RAD51B: variants seen among roughly 807,000 people sequenced by gnomAD.
RAD51B encodes the protein RAD51 paralog B, also known as DNA repair protein RAD51 homolog 2.
In RAD51B, 38 loss-of-function variants were observed where a neutral mutation model predicts 42.2. That is an observed-to-expected ratio of 0.90 (90% CI 0.70 to 1.18). The LOEUF (loss-of-function observed/expected upper bound fraction) is 1.18. Among genes scored for constraint, RAD51B ranks in the 50% most tolerant of loss-of-function variants. The pLI is 0.00. For missense variants in RAD51B, 373 were observed against 400.7 expected, an observed-to-expected ratio of 0.93 and a Z score of 0.59; for synonymous variants, 154 against 145.2, an observed-to-expected ratio of 1.06 and a Z score of -0.43.
In RAD51B at chr14:68,564,762, G is replaced by C. The variant is rs1453037463; in HGVS notation, c.1037-29723G>C. Among the ~76,000 whole-genome samples the C allele has an allele frequency of 5.9e-5, 9 of 152,238 alleles. No individual in the cohort carries two copies. In the East Asian group the frequency reaches 1.5e-3, roughly 26 times the overall value. On this transcript the variant is annotated intron_variant, in intron 10 of 10. Transcript: ENST00000487270. ...GGGTTGAGCTGAAATGGAAAACCTTGAGAGTGAGGTGGATGGTGGGCTCCA... is the reference window on the plus strand; with the variant it reads ...GGGTTGAGCTGAAATGGAAAACCTTCAGAGTGAGGTGGATGGTGGGCTCCA...
intron 7 of RAD51B, among the ~76,000 whole-genome samples, chr14:68,275,573 A>G (rs2081204277): frequency 6.6e-6 from 1 of 152,168 alleles, no homozygotes; most frequent in South Asian, 2.1e-4. Context: ...AGAAGCTATC[A>G]GGATACGCAT....
At chr14:68,344,949 A>C (rs1285706408) in intron 8 of RAD51B, among the ~76,000 whole-genome samples, 14,458 of 148,418 alleles carry the variant, frequency 0.097, 803 homozygotes, top group African/African-American at 0.15. Context: ...TCAATCTCAA[A>C]AAAAAAAAAA....
chr14:67,847,642 G>C (rs144790233), intron 4 of RAD51B, among the ~76,000 whole-genome samples: 1 of 152,112 alleles, frequency 6.6e-6, no homozygotes, highest in Non-Finnish European at 1.5e-5. Context: ...GTCTGATAGT[G>C]TGCTTGATGT....
chr14:68,645,332 T>C lies in RAD51B; in HGVS notation c.1037-5449T>C, dbSNP rs150343465. ...GTTGTAGCATGTACCAGAATTTCCT[T>C]CATTTTTAAGGGTGGATAATATTCT... On this transcript the variant is annotated intron_variant, in intron 10 of 11. Transcript: ENST00000488612. 9.2e-4 allele frequency among the ~76,000 whole-genome samples: 140 copies of C among 152,352 alleles called. 1 individual carries two copies. The highest frequency in any genetic ancestry group is 3.2e-3 in the African/African-American group (131 of 41,580).
At chr14:68,096,969 T>C (rs2077206770) in intron 7 of RAD51B, among the ~76,000 whole-genome samples, 2 of 152,244 alleles carry the variant, frequency 1.3e-5, no homozygotes, top group African/African-American at 2.4e-5. Flanking sequence ...AAATAACATG[T>C]GTAAGGACAA....
At chr14:67,860,292 A>G (rs1259488055) in intron 4 of RAD51B, among the ~76,000 whole-genome samples, 4 of 152,232 alleles carry the variant, frequency 2.6e-5, no homozygotes, top group South Asian at 2.1e-4. Flanking sequence ...TTTTGTTTCA[A>G]TAATGAAATA....
intron 7 of RAD51B, among the ~76,000 whole-genome samples, chr14:68,040,538 G>A (rs1037150841): frequency 4.9e-4 from 74 of 152,244 alleles, no homozygotes; most frequent in African/African-American, 1.5e-3. Flanking sequence ...ACCACCAATG[G>A]TATGTCTATT....
Position 68,242,260 on chromosome 14 carries a change from C to A in RAD51B, c.757-49624C>A, listed in dbSNP as rs1308715047. 5.3e-5 allele frequency among the ~76,000 whole-genome samples: 8 copies of A among 152,196 alleles called. No homozygotes were observed. The South Asian group carries it at 1.7e-3, about 32-fold the overall frequency. On this transcript the variant is annotated intron_variant, in intron 7 of 10. Coordinates refer to ENST00000471583, the MANE Select transcript of RAD51B (RefSeq NM_133510.4). ...AATGAATTCTTTTCTCATCACACTT[C>A]AAGGTACGCTCCGTAGCTGTCCTAC...
At chr14:67,985,231 T>A (rs532994789) in intron 7 of RAD51B, among the ~76,000 whole-genome samples, 1 of 152,216 alleles carries the variant, frequency 6.6e-6, no homozygotes, top group African/African-American at 2.4e-5. Context: ...AATACATATA[T>A]ATACATATTA....
At chr14:68,373,618 G>C (rs1410131669) in intron 8 of RAD51B, among the ~76,000 whole-genome samples, 1 of 152,086 alleles carries the variant, frequency 6.6e-6, no homozygotes, top group Admixed American at 6.6e-5. Flanking sequence ...GGGCCTGTTG[G>C]TGGGTGGGGG....
At chr14:68,038,297 G>T (rs1304035247) in intron 7 of RAD51B, among the ~76,000 whole-genome samples, 2 of 152,124 alleles carry the variant, frequency 1.3e-5, no homozygotes, top group African/African-American at 4.8e-5. Flanking sequence ...ACATTCTTTA[G>T]GATTCAATTA....
At chr14:68,384,450 C>T (rs2083548250) in intron 8 of RAD51B, among the ~76,000 whole-genome samples, 1 of 152,146 alleles carries the variant, frequency 6.6e-6, no homozygotes, top group African/African-American at 2.4e-5. Context: ...GAAAAGAAGC[C>T]AGGAAAAAAC....
intron 10 of RAD51B, among the ~76,000 whole-genome samples, chr14:68,578,272 G>A (rs55987972): frequency 0.35 from 52,994 of 151,970 alleles, 9,664 homozygotes; most frequent in Middle Eastern, 0.48. Context: ...TTGGCTGGGC[G>A]TGGTGGCATG....
rs542887770 is a variant in RAD51B, at chr14:68,375,143, G to A, written c.854-36281G>A. ...GTTACCCTATTTAAACTTGGGAAGG[G>A]TCTGCTGCTTAATCTTAAGAAATAG... On this transcript the variant is annotated intron_variant, in intron 8 of 10. Coordinates refer to ENST00000471583, the MANE Select transcript of RAD51B (RefSeq NM_133510.4). Among the ~76,000 whole-genome samples, 8 of 152,146 alleles carry A rather than the reference G, an allele frequency of 5.3e-5. No homozygotes were observed. In the East Asian group the frequency reaches 1.5e-3, roughly 29 times the overall value.
chr14:68,416,458 C>T (rs1404405313), intron 9 of RAD51B, among the ~76,000 whole-genome samples: 1 of 152,112 alleles, frequency 6.6e-6, no homozygotes, highest in Admixed American at 6.5e-5. Context: ...TTGACACTTA[C>T]ACAGTAGATA....
chr14:68,390,281 G>A (rs1309862987), intron 8 of RAD51B, among the ~76,000 whole-genome samples: 1 of 152,134 alleles, frequency 6.6e-6, no homozygotes, highest in Non-Finnish European at 1.5e-5. Flanking sequence ...CGAAGTTCTG[G>A]TCATTTATTT....
chr14:67,970,877 AATG>A (rs2074883727), intron 7 of RAD51B, among the ~76,000 whole-genome samples: 1 of 152,102 alleles, frequency 6.6e-6, no homozygotes, highest in Non-Finnish European at 1.5e-5. Context: ...TTCTTTTCAA[AATG>A]ATGTCACCCC....
chr14:68,363,446 A>G (rs1425550026), intron 8 of RAD51B, among the ~76,000 whole-genome samples: 2 of 152,284 alleles, frequency 1.3e-5, no homozygotes, highest in East Asian at 1.9e-4. Context: ...TTTTATTTTC[A>G]GTGTTTTTGT....
At position 68,135,920 on chromosome 14, in the gene RAD51B, A is replaced by G. The variant is rs185840122; in HGVS notation, c.757-155964A>G. 3.0e-4 allele frequency among the ~76,000 whole-genome samples: 46 copies of G among 152,324 alleles called. 3 individuals carry two copies. The highest frequency in any genetic ancestry group is 2.4e-3 in the Admixed American group (36 of 15,300). On this transcript the variant is annotated intron_variant, in intron 7 of 10. Coordinates refer to ENST00000471583, the MANE Select transcript of RAD51B (RefSeq NM_133510.4). ...AGTCCACCGTTCACCATATTCTATA[A>G]AAAGAGACTCAGCCATTTGAACAAG...
Sources: gnomAD v4.1 joint callset for allele counts (sites outside exome capture counted in the v4.1 genomes callset) on GRCh38, gnomAD v4.1.1 for gene constraint, MANE v1.5 for transcripts, NCBI Gene and HGNC (gene_info 2026-07-23, HGNC 2026-07-21) for gene names.